CACNA1E: variants seen among roughly 807,000 people sequenced by gnomAD.
The protein encoded by CACNA1E is calcium voltage-gated channel subunit alpha1 E.
CACNA1E carries 40 observed loss-of-function variants against 259.2 expected under a neutral mutation model. The observed-to-expected ratio is 0.15, with a 90% CI of 0.12 to 0.20. The LOEUF (loss-of-function observed/expected upper bound fraction) is 0.20. Among genes scored for constraint, CACNA1E ranks in the 10% least tolerant of loss-of-function variants. CACNA1E has a pLI of 1.00. For missense variants in CACNA1E, 1,874 were observed against 3,040.1 expected (o/e 0.62, Z 9.02); for synonymous variants, 1,104 against 1,138.5 (o/e 0.97, Z 0.61).
chr1:181,384,806 G>A (rs1655722118), intron 1 of CACNA1E, among the ~76,000 whole-genome samples: 1 of 152,064 alleles, frequency 6.6e-6, no homozygotes, highest in South Asian at 2.1e-4. Flanking sequence ...GAGTTAATGG[G>A]TGCAGCACAC....
chr1:181,633,481 A>T (rs1040732164), intron 6 of CACNA1E, among the ~76,000 whole-genome samples: 7 of 152,020 alleles, frequency 4.6e-5, no homozygotes, highest in Non-Finnish European at 8.8e-5. Context: ...ATTATTAATA[A>T]CTGTCAGACT....
At chr1:181,515,094 C>A (rs1342898351) in intron 3 of CACNA1E, among the ~76,000 whole-genome samples, 1 of 151,976 alleles carries the variant, frequency 6.6e-6, no homozygotes, top group East Asian at 2.0e-4. Context: ...GCAGTTACTT[C>A]ACAACCCCAA....
chr1:181,446,403 G>T (rs1278617400), intron 2 of CACNA1E, among the ~76,000 whole-genome samples: 1 of 152,236 alleles, frequency 6.6e-6, no homozygotes, highest in African/African-American at 2.4e-5. Flanking sequence ...AGCTATTATA[G>T]ATTATCTAAT....
intron 1 of CACNA1E, among the ~76,000 whole-genome samples, chr1:181,319,606 A>G (rs1557906871): frequency 1.3e-5 from 2 of 152,218 alleles, no homozygotes; most frequent in Admixed American, 6.5e-5. Context: ...ACCACTTTGT[A>G]GTATAGTGTA....
intron 2 of CACNA1E, among the ~76,000 whole-genome samples, chr1:181,437,361 A>G (rs1264401509): frequency 6.6e-6 from 1 of 152,098 alleles, no homozygotes. Context: ...AATGTCACAT[A>G]TAAGAACAAA....
At chr1:181,564,406 T>C (rs530111520) in intron 3 of CACNA1E, among the ~76,000 whole-genome samples, 1 of 152,322 alleles carries the variant, frequency 6.6e-6, no homozygotes, top group East Asian at 1.9e-4. Flanking sequence ...TAAGAAGCAG[T>C]TCTTACTGTG....
At chr1:181,625,518 G>A (rs1250478428) in intron 6 of CACNA1E, among the ~76,000 whole-genome samples, 2 of 152,158 alleles carry the variant, frequency 1.3e-5, no homozygotes, top group Non-Finnish European at 2.9e-5. Context: ...TATGGAAACG[G>A]CTTCTTTCCT....
chr1:181,624,846 T>C (rs370087507), intron 6 of CACNA1E, among the ~76,000 whole-genome samples: 2 of 152,296 alleles, frequency 1.3e-5, no homozygotes, highest in East Asian at 3.9e-4. Flanking sequence ...CCTAGATCCA[T>C]TAGAGGAATC....
rs1204552093 is a variant in CACNA1E at position 181,484,117 on chromosome 1, T to C, written c.266+107T>C. Reference sequence around the variant, plus strand: ...CCCCCACCCCTTCCTGGTGCCAATTTGCCCCTTTGCTGAAGCACACTCTTC... The same window carrying C: ...CCCCCACCCCTTCCTGGTGCCAATTCGCCCCTTTGCTGAAGCACACTCTTC... On this transcript the variant is annotated intron_variant, in intron 1 of 47. Coordinates refer to ENST00000367573, the MANE Select transcript of CACNA1E (RefSeq NM_001205293.3). 3 of 1,167,252 alleles carry C rather than the reference T, an allele frequency of 2.6e-6. No individual in the cohort carries two copies. The African/African-American group carries it at 4.5e-5, about 18-fold the overall frequency. The allele number at this position is 1,167,252 out of a possible 1,614,324, so 72.3% of individuals were successfully genotyped here. A position where few individuals can be genotyped will look rare whatever the true frequency, so the allele number is the denominator to read the frequency against.
intron 6 of CACNA1E, among the ~76,000 whole-genome samples, chr1:181,614,213 T>TC (rs369930074): frequency 1.3e-5 from 2 of 151,742 alleles, no homozygotes; most frequent in Non-Finnish European, 2.9e-5. Flanking sequence ...TCTTTTCTTT[T>TC]TTTTCTTTTT....
intron 34 of CACNA1E, 77 bp downstream of exon 34, chr1:181,763,608 C>A: frequency 2.6e-6 from 3 of 1,168,944 alleles, no homozygotes; most frequent in Non-Finnish European, 3.5e-6. Flanking sequence ...CATCATTACC[C>A]AAGTCCCTTC....
chr1:181,654,374 A>G (rs536368603), intron 7 of CACNA1E, among the ~76,000 whole-genome samples: 13 of 152,268 alleles, frequency 8.5e-5, no homozygotes, highest in African/African-American at 3.1e-4. Flanking sequence ...AATAGGATTG[A>G]TCCAGCTTTT....
At chr1:181,667,403 A>G (rs1472943215) in intron 7 of CACNA1E, among the ~76,000 whole-genome samples, 2 of 152,200 alleles carry the variant, frequency 1.3e-5, no homozygotes, top group Non-Finnish European at 1.5e-5. Context: ...ATTTACTGAC[A>G]TGAATAATAG....
intron 1 of CACNA1E, among the ~76,000 whole-genome samples, chr1:181,486,334 A>T (rs1424422781): frequency 6.6e-6 from 1 of 152,264 alleles, no homozygotes; most frequent in Admixed American, 6.5e-5. Flanking sequence ...TTCAGGGAAC[A>T]TCTGCTAAGG....
At chr1:181,617,793 T>G (rs1448855039) in intron 6 of CACNA1E, among the ~76,000 whole-genome samples, 1 of 152,186 alleles carries the variant, frequency 6.6e-6, no homozygotes, top group African/African-American at 2.4e-5. Flanking sequence ...GGGCGCAAAG[T>G]TATGACAGTG....
intron 3 of CACNA1E, among the ~76,000 whole-genome samples, chr1:181,564,958 G>A (rs937564973): frequency 2.0e-5 from 3 of 151,756 alleles, no homozygotes; most frequent in Non-Finnish European, 2.9e-5. Context: ...GTAAAGAGAT[G>A]TGCTGTCACA....
intron 2 of CACNA1E, among the ~76,000 whole-genome samples, chr1:181,445,086 A>G (rs1259176840): frequency 1.3e-5 from 2 of 152,332 alleles, no homozygotes; most frequent in East Asian, 3.9e-4. Context: ...TACTGAGCCT[A>G]CTTTCTTGAT....
chr1:181,612,767 C>G (rs551135725), intron 6 of CACNA1E, among the ~76,000 whole-genome samples: 1 of 152,342 alleles, frequency 6.6e-6, no homozygotes, highest in East Asian at 1.9e-4. Flanking sequence ...CAAGATACCC[C>G]CTCCTTCAGT....
At chr1:181,639,440 A>G (rs1186264326) in intron 6 of CACNA1E, among the ~76,000 whole-genome samples, 1 of 152,232 alleles carries the variant, frequency 6.6e-6, no homozygotes, top group African/African-American at 2.4e-5. Context: ...CCTTCGATAC[A>G]TGGAGCCTTA....
Sources: allele counts gnomAD v4.1 joint callset (sites outside exome capture counted in the v4.1 genomes callset), GRCh38; gene constraint gnomAD v4.1.1; transcripts MANE v1.5; gene names NCBI Gene and HGNC (gene_info 2026-07-23, HGNC 2026-07-21).